Variants in CDH23 observed in about 807,000 individuals in gnomAD.
CDH23 encodes cadherin-23.
In CDH23, 189 loss-of-function variants were observed where a neutral mutation model predicts 317.1. The observed-to-expected ratio is 0.60, with a 90% CI of 0.53 to 0.67. The LOEUF is 0.67. Ranked by LOEUF, CDH23 falls within the 30% of genes least tolerant of loss-of-function variation. CDH23 has a pLI of 0.00. For synonymous variants in CDH23, 1,839 were observed against 1,876.8 expected (o/e 0.98, Z 0.52); for missense variants, 4,401 against 4,592.4 (o/e 0.96, Z 1.20).
In CDH23 at chr10:71,713,744, C is replaced by A. The variant is rs116677999; in HGVS notation, c.3369+931C>A. 987 of 166,036 alleles carry A rather than the reference C, an allele frequency of 5.9e-3. 14 individuals carry two copies. The highest frequency in any genetic ancestry group is 0.023 in the African/African-American group (955 of 41,632). The allele number at this position is 166,036 out of a possible 1,614,324, so 10.3% of individuals were successfully genotyped here. On this transcript the variant is annotated intron_variant, in intron 28 of 69. Transcript: ENST00000224721. The stretch of plus-strand genomic sequence containing the variant: ...CTGAAACCCAATTGAGAGCCCTCCC[C>A]CTCCTGGACTTTTCCTTCTTCAGGC...
chr10:71,534,103 G>T (rs146689312), intron 6 of CDH23, among the ~76,000 whole-genome samples: 8 of 152,038 alleles, frequency 5.3e-5, no homozygotes, highest in Non-Finnish European at 1.2e-4. Flanking sequence ...ATCCCTTTGC[G>T]CCGAGATGCC....
chr10:71,586,558 A>T (rs1235253923), intron 9 of CDH23, among the ~76,000 whole-genome samples: 1 of 151,908 alleles, frequency 6.6e-6, no homozygotes, highest in Non-Finnish European at 1.5e-5. Context: ...CAAGACCATC[A>T]CCCATGCCTT....
At position 71,785,644 on chromosome 10, in the gene CDH23, C is replaced by G; in HGVS notation, c.5726C>G (p.Thr1909Ser). 2.5e-6 allele frequency: 4 copies of G among 1,600,280 alleles called. No homozygotes were observed. The highest frequency in any genetic ancestry group is 1.1e-5 in the South Asian group (1 of 88,212). The change falls in exon 44 of 70, where the codon ACT becomes AGT. Residue 1909 changes from threonine (T) to serine (S), a missense_variant. By Grantham distance (58) the Thr-to-Ser change is moderately conservative. Transcript: ENST00000224721. ...FFINATTGIVTVNRPLDRERI... is the reference protein window; with the variant it reads ...FFINATTGIVSVNRPLDRERI... ...TCCACATCCCAGACAGGGATCGTCA[C>G]TGTGAACCGGCCCCTGGACCGCGAG...
intron 9 of CDH23, among the ~76,000 whole-genome samples, chr10:71,608,205 G>A (rs1860643838): frequency 6.6e-6 from 1 of 152,188 alleles, no homozygotes; most frequent in African/African-American, 2.4e-5. Flanking sequence ...CCAGGGTGTT[G>A]ACGTAATAGA....
intron 11 of CDH23, among the ~76,000 whole-genome samples, chr10:71,626,290 G>C (rs1302612609): frequency 2.0e-5 from 3 of 152,140 alleles, no homozygotes; most frequent in Non-Finnish European, 4.4e-5. Flanking sequence ...TCCCTGTACT[G>C]CGCTAACCCT....
intron 3 of CDH23, among the ~76,000 whole-genome samples, chr10:71,481,918 C>T (rs981478946): frequency 6.6e-6 from 1 of 152,216 alleles, no homozygotes; most frequent in Non-Finnish European, 1.5e-5. Context: ...TGTGTGGCAT[C>T]TGCTTTAGGT....
intron 14 of CDH23, among the ~76,000 whole-genome samples, chr10:71,651,908 A>G (rs1182700329): frequency 6.6e-6 from 1 of 152,154 alleles, no homozygotes; most frequent in Non-Finnish European, 1.5e-5. Context: ...TATTAGCTCC[A>G]TGTCCTCTGG....
chr10:71,742,132 T>A, intron 38 of CDH23: 1 of 581,558 alleles, frequency 1.7e-6, no homozygotes, highest in Non-Finnish European at 3.1e-6. Context: ...TAGTTTGGCC[T>A]CCCGAGTCTA....
chr10:71,743,908 T>C (rs532260033), intron 38 of CDH23, among the ~76,000 whole-genome samples: 7 of 152,304 alleles, frequency 4.6e-5, no homozygotes, highest in African/African-American at 1.7e-4. Flanking sequence ...GGTGGCAAGA[T>C]AGCTACTATA....
chr10:71,752,100 C>T (rs572555055), intron 38 of CDH23: 39 of 675,492 alleles, frequency 5.8e-5, no homozygotes, highest in Middle Eastern at 4.7e-4. Flanking sequence ...CCCAGCTCCT[C>T]CCTGTGGTCT....
At chr10:71,495,831 A>AGGAAGGAAGGAAG (rs1564615558) in intron 3 of CDH23, among the ~76,000 whole-genome samples, 1 of 148,434 alleles carries the variant, frequency 6.7e-6, no homozygotes, top group African/African-American at 2.6e-5. Context: ...AAAGAAAGAA[A>AGGAAGGAAGGAAG]GAAAGAAAGA....
In CDH23 at chr10:71,723,111, G is replaced by A. The variant is rs776540561; in HGVS notation, c.3370-934G>A. Among the ~76,000 whole-genome samples, 11 of 152,184 alleles carry A rather than the reference G, an allele frequency of 7.2e-5. 1 individual carries two copies. The highest frequency in any genetic ancestry group is 1.6e-4 in the Non-Finnish European group (11 of 68,032). ...CACCACAGGGCTGAAGTGAGAGGTGGTGAGACAAGAAGGGGCAGACCCAAA... is the reference window on the plus strand; with the variant it reads ...CACCACAGGGCTGAAGTGAGAGGTGATGAGACAAGAAGGGGCAGACCCAAA... On this transcript the variant is annotated intron_variant, in intron 28 of 69. Transcript: ENST00000224721.
At chr10:71,619,735 GAGGTAGGCCGGGACCC>G (rs1161599728) in intron 11 of CDH23, among the ~76,000 whole-genome samples, 1 of 152,212 alleles carries the variant, frequency 6.6e-6, no homozygotes. Flanking sequence ...GTGCAGTGGG[GAGGTAGGCCGGGACCC>G]AGGTCTCAGA....
In CDH23 at chr10:71,559,509, CA is replaced by C. The variant is rs376213608; in HGVS notation, c.430-7232del. On this transcript the variant is annotated intron_variant, in intron 6 of 69. Transcript: ENST00000224721. ...AGGGGGAGGTCTCGTATGGCTGCAGCAGGTCAGGAGGGCCATTCGATAAGCA... is the reference window on the plus strand; with the variant it reads ...AGGGGGAGGTCTCGTATGGCTGCAGCGGTCAGGAGGGCCATTCGATAAGCA... Among the ~76,000 whole-genome samples, 27 of 152,196 alleles carry C rather than the reference CA, an allele frequency of 1.8e-4. No homozygotes were observed. The East Asian group carries it at 3.5e-3, about 20-fold the overall frequency.
intron 3 of CDH23, among the ~76,000 whole-genome samples, chr10:71,461,660 G>T (rs1031626521): frequency 4.6e-5 from 7 of 152,222 alleles, no homozygotes; most frequent in African/African-American, 1.4e-4. Flanking sequence ...CGCGGCCACC[G>T]CGACTTGGGC....
At chr10:71,680,449 T>C (rs1208926984) in intron 17 of CDH23, among the ~76,000 whole-genome samples, 1 of 152,160 alleles carries the variant, frequency 6.6e-6, no homozygotes, top group Non-Finnish European at 1.5e-5. Flanking sequence ...GAAATGCCAC[T>C]GTAGAAATTG....
intron 9 of CDH23, among the ~76,000 whole-genome samples, chr10:71,601,591 C>T (rs980478961): frequency 6.6e-6 from 1 of 152,164 alleles, no homozygotes; most frequent in African/African-American, 2.4e-5. Flanking sequence ...AAACTGAAAA[C>T]GTCCTGGGAA....
Position 71,777,673 on chromosome 10 carries a change from T to C in CDH23, c.4846-7T>C, listed in dbSNP as rs760894408. On this transcript the variant is annotated splice_region_variant and splice_polypyrimidine_tract_variant and intron_variant, in intron 38 of 69. Coordinates refer to ENST00000224721, the MANE Select transcript of CDH23 (RefSeq NM_022124.6). ...TGACCAAGGACGTGACCCACTCTTTTCCACAGGCCACCACGCACGTGTACG... is the reference window on the plus strand; with the variant it reads ...TGACCAAGGACGTGACCCACTCTTTCCCACAGGCCACCACGCACGTGTACG... The C allele has an allele frequency of 1.4e-5, 23 of 1,605,462 alleles. No homozygotes were observed. The East Asian group carries it at 5.2e-4, about 36-fold the overall frequency.
chr10:71,648,068 C>T (rs930494853), intron 14 of CDH23, among the ~76,000 whole-genome samples: 1 of 152,178 alleles, frequency 6.6e-6, no homozygotes, highest in Non-Finnish European at 1.5e-5. Flanking sequence ...AGGCCCTTCC[C>T]CTCTGACAGT....
Sources: gnomAD v4.1 joint callset for allele counts (sites outside exome capture counted in the v4.1 genomes callset) on GRCh38, gnomAD v4.1.1 for gene constraint, MANE v1.5 for transcripts, NCBI Gene and HGNC (gene_info 2026-07-23, HGNC 2026-07-21) for gene names.